PLA2G4A: variants seen among roughly 807,000 people sequenced by gnomAD.
PLA2G4A encodes the protein cytosolic phospholipase A2.
Under a neutral mutation model 81.9 loss-of-function variants are expected in PLA2G4A, and 40 were observed. The ratio of observed to expected loss-of-function variants is 0.49; its 90% CI spans 0.38 to 0.64. PLA2G4A has a LOEUF of 0.64. PLA2G4A is among the 30% of genes least tolerant of loss of function. The pLI, the probability that PLA2G4A is intolerant of heterozygous loss-of-function variation, is 0.00. For missense variants in PLA2G4A, 715 were observed against 905.1 expected, an observed-to-expected ratio of 0.79 and a Z score of 2.69; for synonymous variants, 302 against 296.9, an observed-to-expected ratio of 1.02 and a Z score of -0.18.
rs956235941 is a variant in PLA2G4A at position 186,908,974 on chromosome 1, T to C, written c.416+1972T>C. Among the ~76,000 whole-genome samples, 324 of 133,086 alleles carry C rather than the reference T, an allele frequency of 2.4e-3. 1 individual carries two copies. The highest frequency in any genetic ancestry group is 8.0e-3 in the African/African-American group (289 of 36,052). The allele number at this position is 133,086 out of a possible 152,430, so 87.3% of individuals were successfully genotyped here. A position where few individuals can be genotyped will look rare whatever the true frequency, so the allele number is the denominator to read the frequency against. ...TTTTAATTTCTTTTCTTTTCTTTTT[T>C]TTTTTTTTTTTTTTTTTGAGACGGA... On this transcript the variant is annotated intron_variant, in intron 6 of 17. Transcript: ENST00000367466.
At chr1:186,885,657 G>A (rs1238206130) in intron 3 of PLA2G4A, among the ~76,000 whole-genome samples, 1 of 152,084 alleles carries the variant, frequency 6.6e-6, no homozygotes, top group Admixed American at 6.6e-5. Flanking sequence ...ATAACTAAGA[G>A]TAATATGTTC....
In PLA2G4A at chr1:186,902,110, T is replaced by C. The variant is rs187239852; in HGVS notation, c.379-4855T>C. 6.8e-4 allele frequency among the ~76,000 whole-genome samples: 104 copies of C among 152,296 alleles called. 1 individual carries two copies. Among genetic ancestry groups the C allele is most frequent in the Non-Finnish European group, 1.3e-3 (90 of 68,012 alleles). ...ATTGCTCCTAAGCTGCAAGCCTGTA[T>C]AGCACGTTACTGCACTGAATACAAT... On this transcript the variant is annotated intron_variant, in intron 5 of 17. Coordinates refer to ENST00000367466, the MANE Select transcript of PLA2G4A (RefSeq NM_024420.3).
intron 3 of PLA2G4A, 114 bp from the exon 4 acceptor site, chr1:186,892,897 T>C: frequency 1.3e-6 from 1 of 780,800 alleles, no homozygotes; most frequent in Non-Finnish European, 2.2e-6. Context: ...CTCAGACATT[T>C]AAATACATCA....
intron 15 of PLA2G4A, among the ~76,000 whole-genome samples, chr1:186,974,719 T>C (rs1657472341): frequency 1.3e-5 from 2 of 152,206 alleles, no homozygotes; most frequent in Admixed American, 1.3e-4. Context: ...CAGCAATTTT[T>C]TTGTTCACTG....
chr1:186,966,016 T>C (rs1026865017), intron 15 of PLA2G4A, among the ~76,000 whole-genome samples: 1 of 150,434 alleles, frequency 6.6e-6, no homozygotes, highest in African/African-American at 2.5e-5. Flanking sequence ...AAACTGAAGA[T>C]ATATTAACAA....
chr1:186,949,063 C>T (rs1656440741), intron 12 of PLA2G4A, among the ~76,000 whole-genome samples: 1 of 152,136 alleles, frequency 6.6e-6, no homozygotes, highest in Admixed American at 6.6e-5. Flanking sequence ...AATGAAACTA[C>T]TTACTCTCTA....
chr1:186,911,453 C>A, intron 7 of PLA2G4A, 64 bp downstream of exon 7: 1 of 1,237,284 alleles, frequency 8.1e-7, no homozygotes, highest in Middle Eastern at 1.9e-4. Flanking sequence ...ACAATTTCCC[C>A]AATAATTTTA....
At position 186,907,022 on chromosome 1, in the gene PLA2G4A, T is replaced by C. The variant is rs1338115808; in HGVS notation, c.416+20T>C. 4 of 1,329,328 alleles carry C rather than the reference T, an allele frequency of 3.0e-6. No individual in the cohort carries two copies. The highest frequency in any genetic ancestry group is 4.3e-6 in the Non-Finnish European group (4 of 922,080). 82.3% of individuals were successfully genotyped at this position (1,329,328 alleles called of 1,614,324 possible). A position where few individuals can be genotyped will look rare whatever the true frequency, so the allele number is the denominator to read the frequency against. On this transcript the variant is annotated intron_variant, in intron 6 of 17. Transcript: ENST00000367466. The stretch of plus-strand genomic sequence containing the variant: ...AGTTTGGTAAGTGCATTTATTTAGT[T>C]GGATGAGAAATATTGTGAGTGATCC...
chr1:186,976,524 G>C (rs1489481655), intron 15 of PLA2G4A, among the ~76,000 whole-genome samples: 2 of 152,160 alleles, frequency 1.3e-5, no homozygotes, highest in African/African-American at 4.8e-5. Context: ...CTATGAGATA[G>C]GTATTATTTA....
chr1:186,909,592 G>A (rs983722752), intron 6 of PLA2G4A, among the ~76,000 whole-genome samples: 8 of 150,748 alleles, frequency 5.3e-5, no homozygotes, highest in South Asian at 4.2e-4. Flanking sequence ...CCCAGGAGGC[G>A]GAGGTTGTGG....
At chr1:186,877,896 A>G (rs1653564554) in intron 3 of PLA2G4A, among the ~76,000 whole-genome samples, 1 of 150,548 alleles carries the variant, frequency 6.6e-6, no homozygotes, top group South Asian at 2.1e-4. Flanking sequence ...TTCACTTTTT[A>G]AAGATTATAA....
intron 7 of PLA2G4A, among the ~76,000 whole-genome samples, chr1:186,920,521 G>A (rs1056667653): frequency 9.9e-5 from 15 of 152,208 alleles, no homozygotes; most frequent in African/African-American, 1.7e-4. Context: ...GCTTGAGCCC[G>A]GTCCCCTTCA....
intron 3 of PLA2G4A, among the ~76,000 whole-genome samples, chr1:186,887,143 A>G (rs1653964734): frequency 6.6e-6 from 1 of 152,158 alleles, no homozygotes; most frequent in Non-Finnish European, 1.5e-5. Context: ...AGAATGGGCC[A>G]TATTTTGACT....
chr1:186,988,237 T>C, intron 17 of PLA2G4A, 140 bp from the exon 18 acceptor site: 1 of 594,950 alleles, frequency 1.7e-6, no homozygotes, highest in South Asian at 1.9e-5. Context: ...TAAATGTGTA[T>C]GCATGACTCG....
chr1:186,925,498 G>A (rs575170534), intron 7 of PLA2G4A, among the ~76,000 whole-genome samples: 1 of 152,236 alleles, frequency 6.6e-6, no homozygotes, highest in South Asian at 2.1e-4. Flanking sequence ...CTCCCAGTAA[G>A]CACCTCTTAG....
intron 5 of PLA2G4A, among the ~76,000 whole-genome samples, chr1:186,904,746 GATAC>G (rs1018516649): frequency 6.6e-6 from 1 of 152,172 alleles, no homozygotes; most frequent in African/African-American, 2.4e-5. Context: ...AATGTTGGTA[GATAC>G]ATAAAGTGTG....
intron 2 of PLA2G4A, among the ~76,000 whole-genome samples, chr1:186,863,085 A>T (rs887418484): frequency 1.3e-5 from 2 of 152,192 alleles, no homozygotes; most frequent in African/African-American, 4.8e-5. Flanking sequence ...TGATGAATAT[A>T]TCATTAAGTA....
intron 14 of PLA2G4A, among the ~76,000 whole-genome samples, chr1:186,957,186 A>G (rs1374575497): frequency 6.6e-6 from 1 of 152,038 alleles, no homozygotes; most frequent in Admixed American, 6.6e-5. Flanking sequence ...ATTGAGGGAG[A>G]TGTTAGATCT....
Position 186,979,385 on chromosome 1 carries a change from A to G in PLA2G4A, c.2031A>G (p.Pro677=), listed in dbSNP as rs752413584. The change falls in exon 17 of 18, where the codon CCA becomes CCG. Residue 677 remains proline (P), a synonymous_variant. Coordinates refer to ENST00000367466, the MANE Select transcript of PLA2G4A (RefSeq NM_024420.3). The part of the protein sequence containing the change: ...DFDIFDDPES[P]FSTFNFQYPN... ...ATATTTTTGATGACCCAGAATCACC[A>G]TTTTCAACCTTCAATTTTCAATATC... 3.1e-6 allele frequency: 5 copies of G among 1,606,842 alleles called. No individual in the cohort carries two copies. Among genetic ancestry groups the G allele is most frequent in the Non-Finnish European group, 4.3e-6 (5 of 1,173,454 alleles).
Sources: allele counts gnomAD v4.1 joint callset (sites outside exome capture counted in the v4.1 genomes callset), GRCh38; gene constraint gnomAD v4.1.1; transcripts MANE v1.5; gene names NCBI Gene and HGNC (gene_info 2026-07-23, HGNC 2026-07-21).